The following KCNMA1 variants were observed in gnomAD, a reference collection of about 807,000 sequenced individuals.
The protein encoded by KCNMA1 is potassium calcium-activated channel subfamily M alpha 1, also known as Calcium-activated potassium channel subunit alpha-1.
A neutral mutation model predicts 140.0 loss-of-function variants in KCNMA1; 29 were observed. That is an observed-to-expected ratio of 0.21 (90% CI 0.15 to 0.28). The LOEUF (loss-of-function observed/expected upper bound fraction) is 0.28. Among genes scored for constraint, KCNMA1 ranks in the 10% least tolerant of loss-of-function variants. KCNMA1 has a pLI of 1.00. For missense variants in KCNMA1, 880 were observed against 1,602.2 expected (o/e 0.55, Z 7.70); for synonymous variants, 612 against 611.9 (o/e 1.00, Z 0.00).
intron 17 of KCNMA1, chr10:77,012,389 T>C: frequency 6.5e-7 from 1 of 1,532,564 alleles, no homozygotes. Flanking sequence ...CAATGAGCCC[T>C]GGGCCCTTGG....
downstream of KCNMA1, among the ~76,000 whole-genome samples, chr10:76,881,529 A>T (rs149068768): frequency 2.0e-5 from 3 of 152,318 alleles, no homozygotes; most frequent in African/African-American, 7.2e-5. Flanking sequence ...GAGACACAGC[A>T]TCTCCATCTG....
At chr10:76,915,213 A>C (rs921323177) in intron 23 of KCNMA1, among the ~76,000 whole-genome samples, 164 bp from the exon 24 acceptor site, 1 of 152,202 alleles carries the variant, frequency 6.6e-6, no homozygotes, top group Non-Finnish European at 1.5e-5. Context: ...AATTCTTTAG[A>C]AGGACAGGGT....
intron 23 of KCNMA1, among the ~76,000 whole-genome samples, chr10:76,927,102 C>T (rs2057942636): frequency 6.6e-6 from 1 of 152,008 alleles, no homozygotes. Flanking sequence ...CTTTCATGAC[C>T]CCAAATTTTA....
chr10:77,636,954 C>T, intron 1 of KCNMA1: 1 of 1,416,000 alleles, frequency 7.1e-7, no homozygotes, highest in South Asian at 1.6e-5. Flanking sequence ...CGCACCACGG[C>T]ACCCGAGCCT....
chr10:77,138,134 A>G (rs1248696677), intron 5 of KCNMA1, among the ~76,000 whole-genome samples: 6 of 152,176 alleles, frequency 3.9e-5, no homozygotes, highest in Admixed American at 3.9e-4. Flanking sequence ...GTGGTTCCAG[A>G]TGCTGCAGCA....
chr10:77,366,428 C>T (rs2094367484), intron 2 of KCNMA1, among the ~76,000 whole-genome samples: 1 of 152,208 alleles, frequency 6.6e-6, no homozygotes. Context: ...CTCAGCCTCC[C>T]AAAGTGCTGG....
chr10:77,029,987 T>TA (rs767151121), intron 15 of KCNMA1, among the ~76,000 whole-genome samples: 34 of 152,192 alleles, frequency 2.2e-4, no homozygotes, highest in Non-Finnish European at 4.3e-4. Context: ...AAAAGTGACA[T>TA]AATCAGATGT....
At chr10:77,531,906 C>T (rs928951190) in intron 1 of KCNMA1, among the ~76,000 whole-genome samples, 1 of 152,330 alleles carries the variant, frequency 6.6e-6, no homozygotes, top group African/African-American at 2.4e-5. Context: ...GCAGAGTCAG[C>T]AGCCCCAGGC....
At chr10:77,090,770 T>C (rs566921941) in intron 9 of KCNMA1, 6 of 554,660 alleles carry the variant, frequency 1.1e-5, no homozygotes, top group African/African-American at 9.4e-5. Context: ...GCCCAACTGT[T>C]TGGCCAAGTG....
rs995394456 is a variant in KCNMA1 at position 77,152,285 on chromosome 10, T to G, written c.808+31136A>C. 4.7e-5 allele frequency among the ~76,000 whole-genome samples: 7 copies of G among 149,254 alleles called. No homozygotes were observed. The East Asian group carries it at 9.9e-4, about 21-fold the overall frequency. On this transcript the variant is annotated intron_variant, in intron 5 of 27. Transcript: ENST00000286628. ...TCTTCTGTTTTTTTGCTTTTGTGTG[T>G]GTGTGTGTGTGTGTGTGTGTGTGTT...
intron 1 of KCNMA1, among the ~76,000 whole-genome samples, chr10:77,515,620 G>C (rs2050122340): frequency 6.6e-6 from 1 of 152,192 alleles, no homozygotes; most frequent in Non-Finnish European, 1.5e-5. Flanking sequence ...ACTTTGAGGA[G>C]GGAATCAGGA....
At chr10:77,219,096 C>T (rs1041819504) in intron 3 of KCNMA1, among the ~76,000 whole-genome samples, 1 of 152,138 alleles carries the variant, frequency 6.6e-6, no homozygotes, top group Non-Finnish European at 1.5e-5. Flanking sequence ...AAATATGACT[C>T]CATATCACCA....
chr10:77,528,685 AG>A (rs2056689962), intron 1 of KCNMA1, among the ~76,000 whole-genome samples: 1 of 152,160 alleles, frequency 6.6e-6, no homozygotes, highest in Non-Finnish European at 1.5e-5. Flanking sequence ...TATTCACAAT[AG>A]CCAAAGGCGG....
chr10:77,398,909 G>C (rs895790988), intron 2 of KCNMA1, among the ~76,000 whole-genome samples: 1 of 152,112 alleles, frequency 6.6e-6, no homozygotes, highest in Non-Finnish European at 1.5e-5. Flanking sequence ...TATTCTTAGG[G>C]GGATTTAATT....
At chr10:77,266,093 A>AT (rs34581992) in intron 2 of KCNMA1, among the ~76,000 whole-genome samples, 1 of 151,286 alleles carries the variant, frequency 6.6e-6, no homozygotes, top group African/African-American at 2.4e-5. Flanking sequence ...AAAAAAAAAA[A>AT]TACCTCGTAG....
chr10:77,632,472 G>A (rs1000022149), intron 1 of KCNMA1, among the ~76,000 whole-genome samples: 1 of 152,092 alleles, frequency 6.6e-6, no homozygotes, highest in African/African-American at 2.4e-5. Flanking sequence ...AGCAGCTCCT[G>A]GTCCCCCATA....
chr10:77,483,081 A>G (rs2098420117), intron 1 of KCNMA1, among the ~76,000 whole-genome samples: 1 of 150,872 alleles, frequency 6.6e-6, no homozygotes, highest in South Asian at 2.1e-4. Flanking sequence ...AAGACCTAAT[A>G]TCTAAGAATT....
At chr10:77,353,923 C>T (rs994951733) in intron 2 of KCNMA1, among the ~76,000 whole-genome samples, 1 of 136,364 alleles carries the variant, frequency 7.3e-6, no homozygotes, top group African/African-American at 2.8e-5. Flanking sequence ...GGCAGCCTGG[C>T]TACAGGGCCT....
At chr10:77,211,254 G>A (rs11002085) in intron 3 of KCNMA1, among the ~76,000 whole-genome samples, 12,166 of 152,048 alleles carry the variant, frequency 0.08, 543 homozygotes, top group African/African-American at 0.11. Context: ...AAAAAAAACA[G>A]ACATATAGAT....
Sources: allele counts gnomAD v4.1 joint callset (sites outside exome capture counted in the v4.1 genomes callset), GRCh38; gene constraint gnomAD v4.1.1; transcripts MANE v1.5; gene names NCBI Gene and HGNC (gene_info 2026-07-23, HGNC 2026-07-21).